Variants in PPM1L observed in about 807,000 individuals in gnomAD.
PPM1L encodes the protein protein phosphatase, Mg2+/Mn2+ dependent 1L, also known as protein phosphatase 1L.
In PPM1L, 13 loss-of-function variants were observed where a neutral mutation model predicts 31.4. The ratio of observed to expected loss-of-function variants is 0.41; its 90% CI spans 0.27 to 0.66. The LOEUF (loss-of-function observed/expected upper bound fraction) is 0.66, where lower values mean the gene tolerates loss of function less well. Among genes scored for constraint, PPM1L ranks in the 30% least tolerant of loss-of-function variants. PPM1L has a pLI of 0.29. For synonymous variants in PPM1L, 184 were observed against 175.4 expected (o/e 1.05, Z -0.39); for missense variants, 326 against 453.7 (o/e 0.72, Z 2.56).
At chr3:160,818,656 T>A (rs1195199628) in intron 1 of PPM1L, among the ~76,000 whole-genome samples, 1 of 152,012 alleles carries the variant, frequency 6.6e-6, no homozygotes, top group Non-Finnish European at 1.5e-5. Context: ...CTTTCATTGG[T>A]CTTGTTAGAC....
intron 1 of PPM1L, among the ~76,000 whole-genome samples, chr3:160,858,402 A>G (rs1318017989): frequency 1.3e-5 from 2 of 152,118 alleles, no homozygotes; most frequent in African/African-American, 4.8e-5. Context: ...GCCTGCCACC[A>G]CGCCCAGCTA....
chr3:160,759,025 T>A (rs904253280), intron 1 of PPM1L, among the ~76,000 whole-genome samples: 1 of 152,226 alleles, frequency 6.6e-6, no homozygotes, highest in African/African-American at 2.4e-5. Flanking sequence ...ATTGGGAGTA[T>A]AACAGTGACA....
rs1341807325 is a variant in PPM1L at position 160,978,782 on chromosome 3, T to A, written c.574+16872T>A. Among the ~76,000 whole-genome samples, 664 of 151,388 alleles carry A rather than the reference T, an allele frequency of 4.4e-3. 4 individuals carry two copies. The highest frequency in any genetic ancestry group is 6.3e-3 in the Non-Finnish European group (427 of 67,582). ...GAAGTTGAGGTTGCAGTGAGCCGTG[T>A]TCATGCTACTGTACTCCAGCCTGGG... On this transcript the variant is annotated intron_variant, in intron 2 of 3. Transcript: ENST00000498165.
At chr3:160,806,346 T>G (rs546621979) in intron 1 of PPM1L, among the ~76,000 whole-genome samples, 2 of 152,236 alleles carry the variant, frequency 1.3e-5, no homozygotes, top group African/African-American at 4.8e-5. Context: ...TCTGCCAGGT[T>G]GTGTAAAGAT....
chr3:161,028,581 C>T (rs1718473568), intron 2 of PPM1L, among the ~76,000 whole-genome samples: 1 of 152,152 alleles, frequency 6.6e-6, no homozygotes. Flanking sequence ...AGGAGAAAAT[C>T]AGCTCAAAGT....
chr3:161,011,493 A>G (rs1039977673), intron 2 of PPM1L, among the ~76,000 whole-genome samples: 2 of 151,920 alleles, frequency 1.3e-5, no homozygotes, highest in African/African-American at 2.4e-5. Flanking sequence ...TTGTCTTGGC[A>G]ATGTGGGCTC....
At chr3:160,949,282 A>G (rs1419258660) in intron 1 of PPM1L, among the ~76,000 whole-genome samples, 1 of 152,200 alleles carries the variant, frequency 6.6e-6, no homozygotes, top group Non-Finnish European at 1.5e-5. Flanking sequence ...AAGACATTAG[A>G]TACTGTGTGT....
chr3:160,845,083 C>A (rs975682865), intron 1 of PPM1L, among the ~76,000 whole-genome samples: 6 of 152,044 alleles, frequency 3.9e-5, no homozygotes, highest in East Asian at 1.9e-4. Context: ...TATTTCATTC[C>A]TTTTCATTGC....
In PPM1L at chr3:160,966,933, G is replaced by A. The variant is rs139574174; in HGVS notation, c.574+5023G>A. ...TTCTGTATATAAAAGCAGGAATTAT[G>A]TAAACCAGTGTATTAATCCAGTCAG... On this transcript the variant is annotated intron_variant, in intron 2 of 3. Transcript: ENST00000498165. 8.7e-3 allele frequency among the ~76,000 whole-genome samples: 1,329 copies of A among 152,140 alleles called. 22 individuals carry two copies. The highest frequency in any genetic ancestry group is 0.014 in the Non-Finnish European group (946 of 67,970).
intron 2 of PPM1L, among the ~76,000 whole-genome samples, chr3:161,011,775 T>C (rs947536077): frequency 6.6e-6 from 1 of 152,100 alleles, no homozygotes; most frequent in South Asian, 2.1e-4. Flanking sequence ...TTCTCTTTGA[T>C]GCAATTGTGA....
intron 2 of PPM1L, among the ~76,000 whole-genome samples, chr3:160,978,907 A>C (rs1716703353): frequency 6.6e-6 from 1 of 151,980 alleles, no homozygotes. Context: ...GTTTTTTTAA[A>C]GCTCTTGTAT....
chr3:160,944,547 A>C (rs1409889639), intron 1 of PPM1L, among the ~76,000 whole-genome samples: 1 of 149,758 alleles, frequency 6.7e-6, no homozygotes, highest in African/African-American at 2.4e-5. Flanking sequence ...AAAGAAAGAA[A>C]ACGCCTAAGA....
chr3:161,065,394 A>G lies in PPM1L; in HGVS notation c.575-9A>G, dbSNP rs201021777. ...ACCTCCCGCGTTCTCTCTCTCTTCT[A>G]TTTTTCAGGCACAACGTGTTTGATT... On this transcript the variant is annotated splice_polypyrimidine_tract_variant and intron_variant, in intron 2 of 3. Coordinates refer to ENST00000498165, the MANE Select transcript of PPM1L (RefSeq NM_139245.4). The G allele has an allele frequency of 5.3e-4, 851 of 1,613,110 alleles. No homozygotes were observed. The highest frequency in any genetic ancestry group is 1.8e-3 in the Middle Eastern group (11 of 6,046).
chr3:160,759,569 C>T (rs1714913517), intron 1 of PPM1L, among the ~76,000 whole-genome samples: 1 of 152,098 alleles, frequency 6.6e-6, no homozygotes, highest in Admixed American at 6.5e-5. Context: ...ATAGATGGTG[C>T]CCTGGGGATA....
chr3:161,055,133 G>A (rs1025915399), intron 2 of PPM1L, among the ~76,000 whole-genome samples: 1 of 152,096 alleles, frequency 6.6e-6, no homozygotes, highest in Non-Finnish European at 1.5e-5. Context: ...TCAGGCAATA[G>A]ACAAGAGAGA....
chr3:160,807,083 T>C (rs1031643587), intron 1 of PPM1L, among the ~76,000 whole-genome samples: 17 of 152,308 alleles, frequency 1.1e-4, no homozygotes, highest in African/African-American at 4.1e-4. Context: ...GTGATTCCAG[T>C]GTGCAGCCAA....
intron 2 of PPM1L, among the ~76,000 whole-genome samples, chr3:160,999,173 C>T (rs746005045): frequency 3.9e-5 from 6 of 152,110 alleles, no homozygotes; most frequent in Non-Finnish European, 8.8e-5. Flanking sequence ...CTCATTTAAT[C>T]CTCACAACCA....
intron 2 of PPM1L, among the ~76,000 whole-genome samples, chr3:161,015,287 A>T (rs1718049050): frequency 6.6e-6 from 1 of 152,216 alleles, no homozygotes; most frequent in Non-Finnish European, 1.5e-5. Context: ...AGACTGAAAC[A>T]TGACTGTGCC....
At chr3:160,802,274 C>G (rs1395547409) in intron 1 of PPM1L, among the ~76,000 whole-genome samples, 1 of 152,122 alleles carries the variant, frequency 6.6e-6, no homozygotes, top group African/African-American at 2.4e-5. Context: ...TAACCCTGGT[C>G]AGTGATCTGT....
Sources: gnomAD v4.1 joint callset for allele counts (sites outside exome capture counted in the v4.1 genomes callset) on GRCh38, gnomAD v4.1.1 for gene constraint, MANE v1.5 for transcripts, NCBI Gene and HGNC (gene_info 2026-07-23, HGNC 2026-07-21) for gene names.